Variants in ARID5A observed in about 807,000 individuals in gnomAD.
The protein encoded by ARID5A is AT-rich interactive domain-containing protein 5A.
A neutral mutation model predicts 30.5 loss-of-function variants in ARID5A; 14 were observed. The observed-to-expected ratio is 0.46, with a 90% CI of 0.30 to 0.72. The LOEUF (loss-of-function observed/expected upper bound fraction) is 0.72. Ranked by LOEUF, ARID5A falls within the 30% of genes least tolerant of loss-of-function variation. The pLI, the probability that ARID5A is intolerant of heterozygous loss-of-function variation, is 0.07. For synonymous variants in ARID5A, 338 were observed against 340.4 expected (o/e 0.99, Z 0.08); for missense variants, 669 against 786.2 (o/e 0.85, Z 1.78).
chr2:96,549,421 C>A lies in ARID5A; in HGVS notation c.221C>A (p.Thr74Lys). ...TACAAGTTCATGAAGGAGCGACACA[C>A]GCCCATCGAGAGGGTGCCCCATCTC... ...SLYKFMKERH[T>K]PIERVPHLGF... Residue 74 changes from threonine to lysine, a missense_variant, in exon 3 of 7, where the codon ACG becomes AAG. By Grantham distance (78) the Thr-to-Lys change is moderately conservative (BLOSUM62 -1). Around this residue, in one of 4 missense-constraint regions of ARID5A, gnomAD observed 64 missense variants for 119.7 expected, o/e 0.53. Transcript: ENST00000357485. The surrounding 1 kb of genome is among the most constrained non-coding windows in gnomAD (Gnocchi z 6.1). 1 of 1,613,944 alleles carries A rather than the reference C, an allele frequency of 6.2e-7. No individual in the cohort carries two copies. The highest frequency in any genetic ancestry group is 8.5e-7 in the Non-Finnish European group (1 of 1,179,948).
chr2:96,550,962 C>A lies in ARID5A; in HGVS notation c.571-137C>A. 1 of 1,239,622 alleles carries A rather than the reference C, an allele frequency of 8.1e-7. No individual in the cohort carries two copies. The highest frequency in any genetic ancestry group is 1.1e-6 in the Non-Finnish European group (1 of 893,174). The allele number at this position is 1,239,622 out of a possible 1,614,324, so 76.8% of individuals were successfully genotyped here. ...GGCTGTGTCCACTCAGAGGACAGGG[C>A]ACCTTTGGAAAATTCTGTACAGAGG... On this transcript the variant is annotated intron_variant, in intron 6 of 6. Coordinates refer to ENST00000357485, the MANE Select transcript of ARID5A (RefSeq NM_212481.3). This position sits in a 1 kb window ranked among gnomAD's most constrained non-coding sequence, Gnocchi z 6.6.
Position 96,551,998 on chromosome 2 carries a change from A to G in ARID5A, c.1470A>G (p.Pro490=), listed in dbSNP as rs1276084060. 1.3e-6 allele frequency: 2 copies of G among 1,518,988 alleles called. No homozygotes were observed. Among genetic ancestry groups the G allele is most frequent in the East Asian group, 4.6e-5 (2 of 43,876 alleles). The allele number at this position is 1,518,988 out of a possible 1,614,324, so 94.1% of individuals were successfully genotyped here. A position where few individuals can be genotyped will look rare whatever the true frequency, so the allele number is the denominator to read the frequency against. Residue 490 remains proline (P), a synonymous_variant, in exon 7 of 7, where the codon CCA becomes CCG. Coordinates refer to ENST00000357485, the MANE Select transcript of ARID5A (RefSeq NM_212481.3). Reference sequence around the variant, plus strand: ...GCCTGGTCTCCTGCCTTCTGGGCCCAGCCCTGGGGCCTGTGCCCCCAGAGG... The same window carrying G: ...GCCTGGTCTCCTGCCTTCTGGGCCCGGCCCTGGGGCCTGTGCCCCCAGAGG... ...GSGLVSCLLG[P]ALGPVPPEAY... is the part of the protein sequence containing the mutation.
chr2:96,549,231 T>C lies in ARID5A; in HGVS notation c.121-90T>C. The C allele has an allele frequency of 6.4e-7, 1 of 1,552,568 alleles. No individual in the cohort carries two copies. The highest frequency in any genetic ancestry group is 8.7e-7 in the Non-Finnish European group (1 of 1,150,184). ...GGAAACTGGGGTTGGGGTAGGTACC[T>C]TATTCCTCCTGCAGCCAGTGGTTTC... On this transcript the variant is annotated intron_variant, in intron 2 of 6. Coordinates refer to ENST00000357485, the MANE Select transcript of ARID5A (RefSeq NM_212481.3). This position sits in a 1 kb window ranked among gnomAD's most constrained non-coding sequence, Gnocchi z 6.1.
intron 1 of ARID5A, chr2:96,538,140 C>G: frequency 2.0e-6 from 2 of 985,486 alleles, no homozygotes; most frequent in Non-Finnish European, 2.4e-6. Context: ...CTCCGATAAT[C>G]TGCTTCTACA....
At position 96,549,633 on chromosome 2, in the gene ARID5A, A is replaced by G; in HGVS notation, c.260-120A>G. 3 of 1,524,078 alleles carry G rather than the reference A, an allele frequency of 2.0e-6. No individual in the cohort carries two copies. Among genetic ancestry groups the G allele is most frequent in the Non-Finnish European group, 2.7e-6 (3 of 1,101,732 alleles). 94.4% of individuals were successfully genotyped at this position (1,524,078 alleles called of 1,614,324 possible). A position where few individuals can be genotyped will look rare whatever the true frequency, so the allele number is the denominator to read the frequency against. On this transcript the variant is annotated intron_variant, in intron 3 of 6. Coordinates refer to ENST00000357485, the MANE Select transcript of ARID5A (RefSeq NM_212481.3). This position sits in a 1 kb window ranked among gnomAD's most constrained non-coding sequence, Gnocchi z 6.1. ...AGGGCACAGCCTGCCCGTCTATTGC[A>G]GTGGCCCTGGCTGGGTGTGTGCTGG...
At position 96,539,097 on chromosome 2, in the gene ARID5A, T is replaced by C. The variant is rs774054179; in HGVS notation, c.4+2267T>C. On this transcript the variant is annotated intron_variant, in intron 1 of 6. Coordinates refer to ENST00000357485, the MANE Select transcript of ARID5A (RefSeq NM_212481.3). The surrounding 1 kb of genome is among the most constrained non-coding windows in gnomAD (Gnocchi z 4.7). ...GGAGGGAGCAGGACAGGCAGGCCTC[T>C]GATCTTCTCACTGAGCCTGGCTGTG... 3.3e-5 allele frequency among the ~76,000 whole-genome samples: 5 copies of C among 152,216 alleles called. No individual in the cohort carries two copies. The highest frequency in any genetic ancestry group is 5.9e-5 in the Non-Finnish European group (4 of 68,038).
chr2:96,550,214 C>G lies in ARID5A; in HGVS notation c.339C>G (p.Asn113Lys). 6.5e-7 allele frequency: 1 copy of G among 1,534,458 alleles called. No homozygotes were observed. The highest frequency in any genetic ancestry group is 1.2e-5 in the South Asian group (1 of 83,440). ...ELVTGRRLWK[N>K]VYDELGGSPG... ...TGACCGGGCGCCGCCTCTGGAAGAACGTGTACGACGAGCTGGGGGGCAGCC... is the reference window on the plus strand; with the variant it reads ...TGACCGGGCGCCGCCTCTGGAAGAAGGTGTACGACGAGCTGGGGGGCAGCC... Residue 113 changes from asparagine to lysine, a missense_variant, in exon 5 of 7, where the codon AAC becomes AAG. Asn to Lys is a moderately conservative substitution (Grantham distance 94). Transcript: ENST00000357485. The surrounding 1 kb of genome is among the most constrained non-coding windows in gnomAD (Gnocchi z 6.6).
chr2:96,551,722 G>T lies in ARID5A; in HGVS notation c.1194G>T (p.Ala398=), dbSNP rs370650646. ...VWGGDANRPS[A]FHKGGSRKGI... ...GCGGAGACGCTAACCGCCCTTCTGC[G>T]TTCCATAAAGGTGGCTCCAGAAAGG... The change falls in exon 7 of 7, where the codon GCG becomes GCT. Residue 398 remains alanine, a synonymous_variant. Transcript: ENST00000357485. 7.9e-6 allele frequency: 12 copies of T among 1,518,830 alleles called. No homozygotes were observed. The African/African-American group carries it at 1.7e-4, about 21-fold the overall frequency. 94.1% of individuals were successfully genotyped at this position (1,518,830 alleles called of 1,614,324 possible). A position where few individuals can be genotyped will look rare whatever the true frequency, so the allele number is the denominator to read the frequency against.
intron 1 of ARID5A, among the ~76,000 whole-genome samples, chr2:96,541,476 A>G (rs986900271): frequency 2.6e-5 from 4 of 152,230 alleles, no homozygotes; most frequent in African/African-American, 9.6e-5. Flanking sequence ...ACTGTGGATG[A>G]GACAGAATAG....
At chr2:96,538,382 C>T (rs2065782369) in intron 1 of ARID5A, 2 of 960,352 alleles carry the variant, frequency 2.1e-6, no homozygotes. Context: ...GTGTCCCCCG[C>T]ACCTCCTTCC....
At chr2:96,545,911 G>A (rs1049657929) in intron 1 of ARID5A, among the ~76,000 whole-genome samples, 2 of 151,458 alleles carry the variant, frequency 1.3e-5, no homozygotes, top group African/African-American at 4.9e-5. Flanking sequence ...CCAAGATCAC[G>A]CCACTGCACT....
intron 1 of ARID5A, chr2:96,538,270 G>C: frequency 4.1e-6 from 4 of 985,560 alleles, no homozygotes; most frequent in Non-Finnish European, 4.8e-6. Context: ...GACTCCGTGG[G>C]GAGGGACAGT....
intron 2 of ARID5A, among the ~76,000 whole-genome samples, chr2:96,548,147 G>A (rs771895265): frequency 2.0e-5 from 3 of 152,176 alleles, no homozygotes; most frequent in Admixed American, 6.5e-5. Flanking sequence ...TTTCATGGGT[G>A]ATATGTGAGT....
At chr2:96,538,472 A>C (rs914254091) in intron 1 of ARID5A, among the ~76,000 whole-genome samples, 10 of 152,210 alleles carry the variant, frequency 6.6e-5, no homozygotes, top group African/African-American at 2.2e-4. Flanking sequence ...AAGCTGAGGT[A>C]CTGAGGTTGG....
At position 96,549,319 on chromosome 2, in the gene ARID5A, A is replaced by C; in HGVS notation, c.121-2A>C. 6.2e-7 allele frequency: 1 copy of C among 1,612,568 alleles called. No individual in the cohort carries two copies. Among genetic ancestry groups the C allele is most frequent in the Non-Finnish European group, 8.5e-7 (1 of 1,179,642 alleles). ...TCCCAATGCCTCCTGTTCTCTCCCC[A>C]GGACTCCCCCGAGGCAGGCGGGGAG... On this transcript the variant is annotated splice_acceptor_variant, in intron 2 of 6. Transcript: ENST00000357485. LOFTEE classifies it high-confidence loss of function. The surrounding 1 kb of genome is among the most constrained non-coding windows in gnomAD (Gnocchi z 6.1).
Position 96,550,060 on chromosome 2 carries a change from CGCT to C in ARID5A, c.313-123_313-121del, listed in dbSNP as rs2066000090. 1 of 1,532,672 alleles carries C rather than the reference CGCT, an allele frequency of 6.5e-7. No homozygotes were observed. The highest frequency in any genetic ancestry group is 8.7e-7 in the Non-Finnish European group (1 of 1,145,884). 94.9% of individuals were successfully genotyped at this position (1,532,672 alleles called of 1,614,324 possible). ...GCCCTAGGAGAGAGAATCGGCTGGC[CGCT>C]GCTGGAGCCGCAGAGCAGCTGCCAA... On this transcript the variant is annotated intron_variant, in intron 4 of 6. Transcript: ENST00000357485. This position sits in a 1 kb window ranked among gnomAD's most constrained non-coding sequence, Gnocchi z 6.6.
chr2:96,541,910 C>T (rs1322595669), intron 1 of ARID5A, among the ~76,000 whole-genome samples: 2 of 152,192 alleles, frequency 1.3e-5, no homozygotes, highest in African/African-American at 4.8e-5. Context: ...TGGGTTTCTC[C>T]TGCCTCTGTG....
rs369918232 is a variant in ARID5A at position 96,547,306 on chromosome 2, T to C, written c.5-96T>C. On this transcript the variant is annotated intron_variant, in intron 1 of 6. Transcript: ENST00000357485. ...CACTGGCGCCCTCTGGCAACTCCAATTGGGAGTAGGGAGAGTGCTCCTGTT... is the reference window on the plus strand; with the variant it reads ...CACTGGCGCCCTCTGGCAACTCCAACTGGGAGTAGGGAGAGTGCTCCTGTT... 1.7e-4 allele frequency: 177 copies of C among 1,061,354 alleles called. No homozygotes were observed. The East Asian group carries it at 1.7e-3, about 10-fold the overall frequency. The allele number at this position is 1,061,354 out of a possible 1,614,324, so 65.7% of individuals were successfully genotyped here.
Position 96,549,178 on chromosome 2 carries a change from T to A in ARID5A, c.121-143T>A. 1 of 1,462,314 alleles carries A rather than the reference T, an allele frequency of 6.8e-7. No homozygotes were observed. The highest frequency in any genetic ancestry group is 9.2e-7 in the Non-Finnish European group (1 of 1,090,666). The allele number at this position is 1,462,314 out of a possible 1,614,324, so 90.6% of individuals were successfully genotyped here. A position where few individuals can be genotyped will look rare whatever the true frequency, so the allele number is the denominator to read the frequency against. Reference sequence around the variant, plus strand: ...GCCGAACCCAGGAACAGTCACTCCCTCCCAGAACAGTGGCTAGGTGTTCTC... The same window carrying A: ...GCCGAACCCAGGAACAGTCACTCCCACCCAGAACAGTGGCTAGGTGTTCTC... On this transcript the variant is annotated intron_variant, in intron 2 of 6. Coordinates refer to ENST00000357485, the MANE Select transcript of ARID5A (RefSeq NM_212481.3). This position sits in a 1 kb window ranked among gnomAD's most constrained non-coding sequence, Gnocchi z 6.1.
Sources: allele counts gnomAD v4.1 joint callset (sites outside exome capture counted in the v4.1 genomes callset), GRCh38; gene constraint gnomAD v4.1.1; regional missense constraint gnomAD v4.1.1; non-coding constraint Gnocchi (gnomAD v3.1); transcripts MANE v1.5; gene names NCBI Gene and HGNC (gene_info 2026-07-23, HGNC 2026-07-21).